TRPC4: variants seen among roughly 807,000 people sequenced by gnomAD.
The protein encoded by TRPC4 is short transient receptor potential channel 4.
In TRPC4, 49 loss-of-function variants were observed where a neutral mutation model predicts 99.4. The ratio of observed to expected loss-of-function variants is 0.49; its 90% CI spans 0.39 to 0.63. The LOEUF (loss-of-function observed/expected upper bound fraction) is 0.63. Ranked by LOEUF, TRPC4 falls within the 20% of genes least tolerant of loss-of-function variation. The probability of loss-of-function intolerance (pLI) is 0.00; values close to 1 mark genes in which losing one functional copy is unlikely to be tolerated. For synonymous variants in TRPC4, 454 were observed against 425.9 expected (o/e 1.07, Z -0.81); for missense variants, 898 against 1,152.9 (o/e 0.78, Z 3.20).
chr13:37,797,008 A>AAAGTAAAGTAAAGTAAAGTAAAG (rs1566178222), intron 1 of TRPC4, among the ~76,000 whole-genome samples: 9 of 94,476 alleles, frequency 9.5e-5, no homozygotes, highest in East Asian at 3.8e-4. Flanking sequence ...GTAAAGTAAA[A>AAAGTAAAGTAAAGTAAAGTAAAG]TAAAATAAAA....
chr13:37,842,859 G>A (rs1890124), intron 1 of TRPC4, among the ~76,000 whole-genome samples: 8,882 of 152,222 alleles, frequency 0.058, 356 homozygotes, highest in Non-Finnish European at 0.086. Flanking sequence ...GAAATGGAAC[G>A]AAAAGAGTAA....
intron 1 of TRPC4, among the ~76,000 whole-genome samples, chr13:37,836,963 A>G (rs1566211387): frequency 6.6e-6 from 1 of 152,100 alleles, no homozygotes; most frequent in Non-Finnish European, 1.5e-5. Context: ...GGACTTGGTG[A>G]CTTTAGTTCC....
rs1283052976 is a variant in TRPC4, at chr13:37,632,623, T to A, written c.*4280A>T. Among the ~76,000 whole-genome samples, 3 of 152,186 alleles carry A rather than the reference T, an allele frequency of 2.0e-5. No homozygotes were observed. The highest frequency in any genetic ancestry group is 7.2e-5 in the African/African-American group (3 of 41,450). On this transcript the variant is annotated 3_prime_UTR_variant, in exon 11 of 11. Coordinates refer to ENST00000379705, the MANE Select transcript of TRPC4 (RefSeq NM_016179.4). ...TGACTGTATCCAGGCTTGGTCCCATTGTCCCAATCTTAGTTCAACTGTACA... is the reference window on the plus strand; with the variant it reads ...TGACTGTATCCAGGCTTGGTCCCATAGTCCCAATCTTAGTTCAACTGTACA...
At chr13:37,809,319 C>G (rs1399991426) in intron 1 of TRPC4, among the ~76,000 whole-genome samples, 3 of 151,950 alleles carry the variant, frequency 2.0e-5, no homozygotes. Context: ...AACTTTCTTT[C>G]CCTAAGTTGT....
rs1666545423 is a variant in TRPC4, at chr13:37,633,976, A to T, written c.*2927T>A. 1.3e-5 allele frequency among the ~76,000 whole-genome samples: 2 copies of T among 152,110 alleles called. No homozygotes were observed. Among genetic ancestry groups the T allele is most frequent in the South Asian group, 4.1e-4 (2 of 4,830 alleles). On this transcript the variant is annotated 3_prime_UTR_variant, in exon 11 of 11. Transcript: ENST00000379705. ...TACTTTCTTATAAATGGGACTTCCA[A>T]AATACAATTGTGATAAACAAAGTGT...
intron 6 of TRPC4, among the ~76,000 whole-genome samples, chr13:37,661,842 G>A (rs1952452098): frequency 6.6e-6 from 1 of 152,058 alleles, no homozygotes; most frequent in Non-Finnish European, 1.5e-5. Context: ...AGGAAGAGAA[G>A]TTCAGATATC....
Position 37,746,098 on chromosome 13 carries a change from G to C in TRPC4, c.736C>G (p.Arg246Gly), listed in dbSNP as rs749684247. ...EFKSEYEELSRQCKQFAKDLL... is the reference protein window; with the variant it reads ...EFKSEYEELSGQCKQFAKDLL... ...TCCTTAGCAAATTGTTTGCACTGCC[G>C]TGACAGCTCTTCATACTCCGACTTG... The change falls in exon 3 of 11, where the codon CGG (arginine) becomes GGG (glycine). Residue 246 changes from arginine (R) to glycine (G), a missense_variant. Physicochemically the swap from Arg to Gly is moderately radical, Grantham distance 125 (BLOSUM62 -2). Around this residue, in one of 3 missense-constraint regions of TRPC4, gnomAD observed 278 missense variants for 346.6 expected, o/e 0.80. Transcript: ENST00000379705. 6.2e-7 allele frequency: 1 copy of C among 1,613,850 alleles called. No homozygotes were observed. The highest frequency in any genetic ancestry group is 8.5e-7 in the Non-Finnish European group (1 of 1,179,888).
At chr13:37,770,408 C>T (rs368452167) in intron 2 of TRPC4, among the ~76,000 whole-genome samples, 12 of 151,622 alleles carry the variant, frequency 7.9e-5, no homozygotes, top group African/African-American at 2.9e-4. Flanking sequence ...ATTGATTCTG[C>T]TTTTTGATTG....
intron 6 of TRPC4, among the ~76,000 whole-genome samples, chr13:37,659,694 CA>C (rs1952364105): frequency 6.6e-6 from 1 of 152,016 alleles, no homozygotes; most frequent in Non-Finnish European, 1.5e-5. Flanking sequence ...AGACCAGGGG[CA>C]GGGGTACTTA....
intron 1 of TRPC4, among the ~76,000 whole-genome samples, chr13:37,814,679 T>C (rs1479893182): frequency 6.6e-6 from 1 of 151,876 alleles, no homozygotes; most frequent in East Asian, 1.9e-4. Flanking sequence ...TTGAAGGAAA[T>C]TATAGGAGAT....
chr13:37,806,662 TGG>T (rs948476842), intron 1 of TRPC4, among the ~76,000 whole-genome samples: 4 of 152,194 alleles, frequency 2.6e-5, no homozygotes, highest in African/African-American at 9.6e-5. Flanking sequence ...GACCTCAAGT[TGG>T]GGCATGAAAG....
In TRPC4 at chr13:37,822,811, G is replaced by C. The variant is rs983511924; in HGVS notation, c.-27-39451C>G. ...AGTAATGGGATGGCTGGGTCAAATG[G>C]TATTTCTAGTTCTAGATCCCTGAGG... On this transcript the variant is annotated intron_variant, in intron 1 of 10. Transcript: ENST00000379705. Among the ~76,000 whole-genome samples the C allele has an allele frequency of 3.9e-3, 597 of 152,026 alleles. 1 individual carries two copies. Among genetic ancestry groups the C allele is most frequent in the Non-Finnish European group, 4.3e-3 (295 of 67,938 alleles).
Position 37,783,343 on chromosome 13 carries a change from CA to C in TRPC4, c.-11del. ...AATAGAACTGAGCCATGTTTCATGC[CA>C]TGCTATTTCTTCGTCTCTGAAAGTA... On this transcript the variant is annotated 5_prime_UTR_variant, in exon 2 of 11. The change abolishes an upstream ATG in the 5' untranslated region. Coordinates refer to ENST00000379705, the MANE Select transcript of TRPC4 (RefSeq NM_016179.4). 1 of 1,528,760 alleles carries C rather than the reference CA, an allele frequency of 6.5e-7. No individual in the cohort carries two copies. Among genetic ancestry groups the C allele is most frequent in the Non-Finnish European group, 8.8e-7 (1 of 1,138,852 alleles). 94.7% of individuals were successfully genotyped at this position (1,528,760 alleles called of 1,614,324 possible). A position where few individuals can be genotyped will look rare whatever the true frequency, so the allele number is the denominator to read the frequency against.
chr13:37,814,947 T>C, intron 1 of TRPC4, among the ~76,000 whole-genome samples: 1 of 151,818 alleles, frequency 6.6e-6, no homozygotes, highest in East Asian at 1.9e-4. Context: ...GAAACTACAG[T>C]AATCAAGAAT....
chr13:37,663,790 G>A, intron 5 of TRPC4, 61 bp from the exon 6 acceptor site: 4 of 1,401,008 alleles, frequency 2.9e-6, no homozygotes, highest in African/African-American at 1.5e-5. Flanking sequence ...AATAGATCAA[G>A]GTCAGACCCA....
At chr13:37,692,446 A>C in intron 3 of TRPC4, 111 bp from the exon 4 acceptor site, 1 of 982,478 alleles carries the variant, frequency 1.0e-6, no homozygotes, top group East Asian at 2.6e-5. Flanking sequence ...TCTGTTTCAC[A>C]TAATTTTACA....
chr13:37,834,104 T>C (rs1342379345), intron 1 of TRPC4, among the ~76,000 whole-genome samples: 1 of 152,210 alleles, frequency 6.6e-6, no homozygotes, highest in Non-Finnish European at 1.5e-5. Flanking sequence ...GCAATATGAG[T>C]TCATGCCAAT....
At position 37,750,601 on chromosome 13, in the gene TRPC4, A is replaced by G. The variant is rs117362342; in HGVS notation, c.379-4146T>C. Among the ~76,000 whole-genome samples the G allele has an allele frequency of 1.5e-3, 227 of 152,232 alleles. 2 individuals are homozygous for G. The highest frequency in any genetic ancestry group is 4.7e-3 in the African/African-American group (194 of 41,564). Reference sequence around the variant, plus strand: ...ATTGAAACATTCTGACTTTCCTGAAATGAATTCCACGTGGTCAAATGCATA... The same window carrying G: ...ATTGAAACATTCTGACTTTCCTGAAGTGAATTCCACGTGGTCAAATGCATA... On this transcript the variant is annotated intron_variant, in intron 2 of 10. Transcript: ENST00000379705.
intron 1 of TRPC4, among the ~76,000 whole-genome samples, chr13:37,806,822 G>A (rs1328899055): frequency 6.6e-6 from 1 of 152,018 alleles, no homozygotes; most frequent in African/African-American, 2.4e-5. Flanking sequence ...TTCTACTAGT[G>A]TCACGTCCAA....
Sources: allele counts gnomAD v4.1 joint callset (sites outside exome capture counted in the v4.1 genomes callset), GRCh38; gene constraint gnomAD v4.1.1; regional missense constraint gnomAD v4.1.1; transcripts MANE v1.5; gene names NCBI Gene and HGNC (gene_info 2026-07-23, HGNC 2026-07-21).